PRKAR2A: variants seen among roughly 807,000 people sequenced by gnomAD.
PRKAR2A encodes protein kinase cAMP-dependent type II regulatory subunit alpha.
A neutral mutation model predicts 51.9 loss-of-function variants in PRKAR2A; 29 were observed. The observed-to-expected ratio is 0.56, with a 90% CI of 0.42 to 0.76. PRKAR2A has a LOEUF of 0.76. Ranked by LOEUF, PRKAR2A falls within the 30% of genes least tolerant of loss-of-function variation. The pLI is 0.00. For missense variants in PRKAR2A, 445 were observed against 512.1 expected (o/e 0.87, Z 1.26); for synonymous variants, 178 against 186.2 (o/e 0.96, Z 0.36).
chr3:48,770,295 T>C (rs1424240237), intron 6 of PRKAR2A, among the ~76,000 whole-genome samples: 1 of 152,174 alleles, frequency 6.6e-6, no homozygotes, highest in East Asian at 1.9e-4. Flanking sequence ...AAAGGAGTGC[T>C]ACTCTCTCCT....
At chr3:48,778,635 T>A (rs1240651637) in intron 5 of PRKAR2A, among the ~76,000 whole-genome samples, 4 of 152,012 alleles carry the variant, frequency 2.6e-5, no homozygotes, top group Non-Finnish European at 5.9e-5. Context: ...TTCTCCTGCC[T>A]CAGCCTCCCA....
chr3:48,770,114 A>G (rs2082007998), intron 6 of PRKAR2A, among the ~76,000 whole-genome samples: 1 of 151,942 alleles, frequency 6.6e-6, no homozygotes, highest in Non-Finnish European at 1.5e-5. Context: ...CACTTCCCAA[A>G]ACTCTCTTTT....
intron 6 of PRKAR2A, among the ~76,000 whole-genome samples, chr3:48,769,544 T>C (rs1236105347): frequency 6.6e-6 from 1 of 152,014 alleles, no homozygotes; most frequent in Non-Finnish European, 1.5e-5. Flanking sequence ...TGGCGCAATC[T>C]TGCCTCACCG....
chr3:48,783,249 C>T (rs2082232926), intron 4 of PRKAR2A, among the ~76,000 whole-genome samples, 157 bp from the exon 5 acceptor site: 1 of 152,156 alleles, frequency 6.6e-6, no homozygotes, highest in Non-Finnish European at 1.5e-5. Context: ...TGGGACCATT[C>T]AGCTTTGCAC....
intron 4 of PRKAR2A, among the ~76,000 whole-genome samples, chr3:48,790,009 A>G (rs1463658191): frequency 3.3e-5 from 5 of 149,342 alleles, no homozygotes; most frequent in African/African-American, 1.2e-4. Context: ...TTTATGGCTT[A>G]TTTTTGGCAT....
intron 1 of PRKAR2A, among the ~76,000 whole-genome samples, chr3:48,817,584 T>C (rs1400234600): frequency 6.6e-6 from 1 of 150,698 alleles, no homozygotes; most frequent in Non-Finnish European, 1.5e-5. Context: ...CGGGTGGAGG[T>C]TGCAGTGAGC....
In PRKAR2A at chr3:48,807,653, T is replaced by C. The variant is rs2082693575; in HGVS notation, c.294A>G (p.Val98=). 3.8e-6 allele frequency: 6 copies of C among 1,596,438 alleles called. No homozygotes were observed. The highest frequency in any genetic ancestry group is 5.2e-6 in the Non-Finnish European group (6 of 1,164,664). Residue 98 remains valine, a synonymous_variant, in exon 2 of 11, where the codon GTA becomes GTG. Coordinates refer to ENST00000265563, the MANE Select transcript of PRKAR2A (RefSeq NM_004157.4). The part of the protein sequence containing the change: ...VPVPSRFNRR[V]SVCAETYNPD... The stretch of plus-strand genomic sequence containing the variant: ...GTTATGAAATAGAACACATACCTGA[T>C]ACTCGTCTATTAAATCTGCTAGGAA...
In PRKAR2A at chr3:48,785,218, A is replaced by T. The variant is rs1407793393; in HGVS notation, c.436-2126T>A. Among the ~76,000 whole-genome samples the T allele has an allele frequency of 2.0e-5, 3 of 148,930 alleles. No homozygotes were observed. In the South Asian group the frequency reaches 6.3e-4, roughly 31 times the overall value. ...CGATTTCTCCTGCCTCAGCCTCCCCAATAGCTGGGATTATAGGCGCATGCC... is the reference window on the plus strand; with the variant it reads ...CGATTTCTCCTGCCTCAGCCTCCCCTATAGCTGGGATTATAGGCGCATGCC... On this transcript the variant is annotated intron_variant, in intron 4 of 10. Coordinates refer to ENST00000265563, the MANE Select transcript of PRKAR2A (RefSeq NM_004157.4).
chr3:48,783,597 T>G (rs2082239185), intron 4 of PRKAR2A, among the ~76,000 whole-genome samples: 2 of 152,180 alleles, frequency 1.3e-5, no homozygotes, highest in Admixed American at 1.3e-4. Context: ...TTTTTTGTTC[T>G]GGAGACGGAG....
chr3:48,777,726 A>T (rs2107271707), intron 5 of PRKAR2A, among the ~76,000 whole-genome samples: 1 of 152,090 alleles, frequency 6.6e-6, no homozygotes, highest in Admixed American at 6.6e-5. Context: ...TATATTCTAA[A>T]TTTCCTACAA....
rs1266182448 is a variant in PRKAR2A, at chr3:48,748,220, C to T, written c.*3365G>A. The T allele has an allele frequency of 6.6e-6, 1 of 151,666 alleles. No homozygotes were observed. Among genetic ancestry groups the T allele is most frequent in the Non-Finnish European group, 1.5e-5 (1 of 67,942 alleles). The allele number at this position is 151,666 out of a possible 1,614,324, so 9.4% of individuals were successfully genotyped here. A position where few individuals can be genotyped will look rare whatever the true frequency, so the allele number is the denominator to read the frequency against. On this transcript the variant is annotated 3_prime_UTR_variant, in exon 11 of 11. Transcript: ENST00000265563. ...ATGGCTCACTGCAGCTTCAGTCTCC[C>T]AGGTTAAAGGAATCCTTTCACCTCA...
At chr3:48,815,608 G>A (rs906996545) in intron 1 of PRKAR2A, among the ~76,000 whole-genome samples, 1 of 150,726 alleles carries the variant, frequency 6.6e-6, no homozygotes. Flanking sequence ...CAGGAGAATC[G>A]CTTGAACCTG....
intron 2 of PRKAR2A, among the ~76,000 whole-genome samples, chr3:48,797,159 TTTATTA>T (rs901478431): frequency 4.0e-5 from 6 of 151,794 alleles, no homozygotes; most frequent in East Asian, 3.9e-4. Flanking sequence ...TTTATTTATT[TTTATTA>T]TTATTATTAT....
At chr3:48,754,085 A>G (rs2081712984) in intron 9 of PRKAR2A, among the ~76,000 whole-genome samples, 1 of 150,850 alleles carries the variant, frequency 6.6e-6, no homozygotes, top group Non-Finnish European at 1.5e-5. Context: ...GTTTTTTAGT[A>G]GAGACGGGGT....
chr3:48,809,035 C>A (rs548841263), intron 1 of PRKAR2A, among the ~76,000 whole-genome samples: 9 of 152,114 alleles, frequency 5.9e-5, no homozygotes. Flanking sequence ...CCCACCTTGG[C>A]CTCCCAAAGT....
At chr3:48,784,362 G>C (rs969765757) in intron 4 of PRKAR2A, among the ~76,000 whole-genome samples, 2 of 152,152 alleles carry the variant, frequency 1.3e-5, no homozygotes, top group Non-Finnish European at 2.9e-5. Context: ...TCACCAAAAA[G>C]TGTATTTAGT....
At chr3:48,782,927 G>A (rs1442257673) in intron 5 of PRKAR2A, 59 bp downstream of exon 5, 14 of 1,212,700 alleles carry the variant, frequency 1.2e-5, no homozygotes, top group Non-Finnish European at 1.5e-5. Context: ...TAAAGCATCT[G>A]CCCTGAGTCA....
chr3:48,766,847 CTTCT>C (rs958384194), intron 6 of PRKAR2A, among the ~76,000 whole-genome samples: 1 of 152,066 alleles, frequency 6.6e-6, no homozygotes, highest in African/African-American at 2.4e-5. Flanking sequence ...TCATGGATTC[CTTCT>C]GTTTTATTTT....
At chr3:48,846,131 C>T (rs2083457656) in intron 1 of PRKAR2A, among the ~76,000 whole-genome samples, 1 of 152,130 alleles carries the variant, frequency 6.6e-6, no homozygotes, top group Non-Finnish European at 1.5e-5. Flanking sequence ...AAGCTGCTCT[C>T]CTGATCTCAG....
Sources: allele counts gnomAD v4.1 joint callset (sites outside exome capture counted in the v4.1 genomes callset), GRCh38; gene constraint gnomAD v4.1.1; transcripts MANE v1.5; gene names NCBI Gene and HGNC (gene_info 2026-07-23, HGNC 2026-07-21).